Variants in SVEP1 observed in about 807,000 individuals in gnomAD.
SVEP1 encodes the protein sushi, von Willebrand factor type A, EGF and pentraxin domain-containing protein 1.
SVEP1 carries 164 observed loss-of-function variants against 367.3 expected under a neutral mutation model. The observed-to-expected ratio is 0.45, with a 90% CI of 0.39 to 0.51. The LOEUF is 0.51. SVEP1 is among the 20% of genes least tolerant of loss of function. The pLI is 0.00. For synonymous variants in SVEP1, 1,666 were observed against 1,611.6 expected, an observed-to-expected ratio of 1.03 and a Z score of -0.81; for missense variants, 4,117 against 4,425.3, an observed-to-expected ratio of 0.93 and a Z score of 1.98.
At chr9:110,393,355 A>G (rs1478995283) in intron 40 of SVEP1, among the ~76,000 whole-genome samples, 1 of 152,238 alleles carries the variant, frequency 6.6e-6, no homozygotes, top group Non-Finnish European at 1.5e-5. Flanking sequence ...GCATGGTCAG[A>G]AAATAATGAG....
intron 46 of SVEP1, among the ~76,000 whole-genome samples, chr9:110,370,391 A>G (rs1827258766): frequency 6.6e-6 from 1 of 152,192 alleles, no homozygotes; most frequent in Non-Finnish European, 1.5e-5. Flanking sequence ...ATTAGATTGT[A>G]CATTTCTTTC....
intron 41 of SVEP1, 39 bp from the exon 42 acceptor site, chr9:110,387,497 C>T (rs775715823): frequency 2.7e-5 from 41 of 1,531,308 alleles, no homozygotes; most frequent in Non-Finnish European, 3.6e-5. Context: ...AATTGCTTCC[C>T]CAATTCCTCT....
At chr9:110,416,272 A>G (rs1828119936) in intron 36 of SVEP1, among the ~76,000 whole-genome samples, 1 of 151,988 alleles carries the variant, frequency 6.6e-6, no homozygotes, top group African/African-American at 2.4e-5. Context: ...ATGTTGAAAT[A>G]AGGACAAAAG....
intron 37 of SVEP1, 109 bp from the exon 38 acceptor site, chr9:110,409,060 A>G: frequency 8.4e-7 from 1 of 1,190,582 alleles, no homozygotes; most frequent in Non-Finnish European, 1.1e-6. Context: ...AAAATGAATC[A>G]ATTAGGAAGT....
intron 1 of SVEP1, among the ~76,000 whole-genome samples, chr9:110,560,852 G>T (rs1830418463): frequency 6.6e-6 from 1 of 152,094 alleles, no homozygotes; most frequent in Admixed American, 6.5e-5. Flanking sequence ...TTTCAGTCTG[G>T]CTTCTTGAAA....
chr9:110,442,104 A>G lies in SVEP1; in HGVS notation c.4639+1441T>C, dbSNP rs184015792. On this transcript the variant is annotated intron_variant, in intron 27 of 47. Transcript: ENST00000374469. ...GATCACCCTGGAGAGTTAGGGACATATCCACAAGCCTCGATGGACTCCCCA... is the reference window on the plus strand; with the variant it reads ...GATCACCCTGGAGAGTTAGGGACATGTCCACAAGCCTCGATGGACTCCCCA... Among the ~76,000 whole-genome samples the G allele has an allele frequency of 7.9e-4, 121 of 152,346 alleles. 1 individual carries two copies. The highest frequency in any genetic ancestry group is 2.5e-3 in the African/African-American group (106 of 41,594).
At chr9:110,456,854 T>A (rs1450118377) in intron 21 of SVEP1, among the ~76,000 whole-genome samples, 1 of 152,210 alleles carries the variant, frequency 6.6e-6, no homozygotes, top group Non-Finnish European at 1.5e-5. Flanking sequence ...TAGCTATTCA[T>A]AAGAACTTCT....
At chr9:110,564,500 G>A (rs1428369523) in intron 1 of SVEP1, among the ~76,000 whole-genome samples, 1 of 152,148 alleles carries the variant, frequency 6.6e-6, no homozygotes, top group African/African-American at 2.4e-5. Flanking sequence ...TGACACAAGA[G>A]GGGTGCAAAG....
intron 36 of SVEP1, among the ~76,000 whole-genome samples, chr9:110,425,238 A>G (rs1011545136): frequency 6.6e-6 from 1 of 152,172 alleles, no homozygotes; most frequent in Admixed American, 6.5e-5. Context: ...CTTCATATTA[A>G]TTTGATTAGC....
intron 3 of SVEP1, among the ~76,000 whole-genome samples, chr9:110,519,154 T>C (rs544082827): frequency 6.6e-6 from 1 of 152,200 alleles, no homozygotes; most frequent in Admixed American, 6.5e-5. Context: ...GTAATAGTAG[T>C]AGTACTTTCC....
chr9:110,506,014 T>G (rs1829621289), intron 5 of SVEP1, among the ~76,000 whole-genome samples: 1 of 152,200 alleles, frequency 6.6e-6, no homozygotes, highest in African/African-American at 2.4e-5. Flanking sequence ...TTCCCCTCCC[T>G]GTGTCCATAT....
In SVEP1 at chr9:110,476,405, A is replaced by G. The variant is rs1469264753; in HGVS notation, c.2488-90T>C. Reference sequence around the variant, plus strand: ...TTGCTCCCCTGGCCTTCACGTCTCCATCAGCAGGAGGGAAGGGAGGGCCCC... The same window carrying G: ...TTGCTCCCCTGGCCTTCACGTCTCCGTCAGCAGGAGGGAAGGGAGGGCCCC... On this transcript the variant is annotated intron_variant, in intron 13 of 47. Transcript: ENST00000374469. 6.3e-6 allele frequency: 6 copies of G among 951,970 alleles called. No individual in the cohort carries two copies. In the East Asian group the frequency reaches 1.5e-4, roughly 23 times the overall value. The allele number at this position is 951,970 out of a possible 1,614,324, so 59.0% of individuals were successfully genotyped here.
chr9:110,520,513 G>A (rs1241363603), intron 3 of SVEP1, among the ~76,000 whole-genome samples: 2 of 152,130 alleles, frequency 1.3e-5, no homozygotes, highest in Non-Finnish European at 2.9e-5. Context: ...ATTACTGGAA[G>A]TGTGAATTCT....
At position 110,390,325 on chromosome 9, in the gene SVEP1, T is replaced by TACTTATATAAGTATATATATAAG. The variant is rs1827630287; in HGVS notation, c.9823-739_9823-738insCTTATATATATACTTATATAAGT. Among the ~76,000 whole-genome samples, 6 of 58,052 alleles carry TACTTATATAAGTATATATATAAG rather than the reference T, an allele frequency of 1.0e-4. 1 individual carries two copies. Among genetic ancestry groups the TACTTATATAAGTATATATATAAG allele is most frequent in the African/African-American group, 5.1e-4 (6 of 11,804 alleles). The allele number at this position is 58,052 out of a possible 152,430, so 38.1% of individuals were successfully genotyped here. On this transcript the variant is annotated intron_variant, in intron 40 of 47. Coordinates refer to ENST00000374469, the MANE Select transcript of SVEP1 (RefSeq NM_153366.4). ...CTTATATAAGTATGTGTATATATAC[T>TACTTATATAAGTATATATATAAG]TATATATACACATACTTATATACAC...
intron 46 of SVEP1, among the ~76,000 whole-genome samples, chr9:110,371,841 C>T (rs1223537642): frequency 1.3e-5 from 2 of 152,190 alleles, no homozygotes; most frequent in Non-Finnish European, 2.9e-5. Context: ...CTTGCCAATT[C>T]TGCTTTTACA....
chr9:110,505,331 G>A (rs1201565669), intron 5 of SVEP1, among the ~76,000 whole-genome samples: 3 of 152,022 alleles, frequency 2.0e-5, no homozygotes, highest in African/African-American at 4.8e-5. Flanking sequence ...CCTGTTGATG[G>A]CAATCACTTA....
At chr9:110,575,489 C>T (rs1336369497) in intron 1 of SVEP1, among the ~76,000 whole-genome samples, 1 of 152,074 alleles carries the variant, frequency 6.6e-6, no homozygotes, top group Non-Finnish European at 1.5e-5. Flanking sequence ...AGAGCGGAGA[C>T]CAGGTCCAAC....
intron 1 of SVEP1, among the ~76,000 whole-genome samples, chr9:110,576,227 TCACACA>T (rs57822772): frequency 6.7e-6 from 1 of 149,912 alleles, no homozygotes; most frequent in Non-Finnish European, 1.5e-5. Context: ...ATAGGTAGTC[TCACACA>T]CACACACACA....
At position 110,446,304 on chromosome 9, in the gene SVEP1, A is replaced by T. The variant is rs148886686; in HGVS notation, c.4262-266T>A. ...GTAGTTGGAAGGAGAGGTGAAACTG[A>T]AATGCTACTAAAGCCAGGAGATACT... On this transcript the variant is annotated intron_variant, in intron 25 of 47. Transcript: ENST00000374469. Among the ~76,000 whole-genome samples, 689 of 152,344 alleles carry T rather than the reference A, an allele frequency of 4.5e-3. 14 individuals carry two copies. Among genetic ancestry groups the T allele is most frequent in the Admixed American group, 0.029 (436 of 15,292 alleles).
Sources: allele counts gnomAD v4.1 joint callset (sites outside exome capture counted in the v4.1 genomes callset), GRCh38; gene constraint gnomAD v4.1.1; transcripts MANE v1.5; gene names NCBI Gene and HGNC (gene_info 2026-07-23, HGNC 2026-07-21).